The following PDCL2 variants were observed in gnomAD, a reference collection of about 807,000 sequenced individuals.
PDCL2 encodes phosducin like 2.
Under a neutral mutation model 30.3 loss-of-function variants are expected in PDCL2, and 23 were observed. The ratio of observed to expected loss-of-function variants is 0.76; its 90% CI spans 0.55 to 1.08. The LOEUF (loss-of-function observed/expected upper bound fraction) is 1.08, where lower values mean the gene tolerates loss of function less well. PDCL2 is among the 50% of genes least tolerant of loss of function. PDCL2 has a pLI of 0.00. For missense variants in PDCL2, 243 were observed against 282.3 expected, an observed-to-expected ratio of 0.86 and a Z score of 1.00; for synonymous variants, 68 against 86.2, an observed-to-expected ratio of 0.79 and a Z score of 1.17.
chr4:55,556,841 T>TG (rs934483553), intron 5 of PDCL2, 130 bp from the exon 6 acceptor site: 38 of 869,536 alleles, frequency 4.4e-5, no homozygotes, highest in Admixed American at 1.5e-4. Context: ...ATAGGTTTTT[T>TG]TTTCTTTTTT....
chr4:55,564,215 T>C (rs1202547868), intron 4 of PDCL2, among the ~76,000 whole-genome samples: 1 of 152,230 alleles, frequency 6.6e-6, no homozygotes, highest in East Asian at 1.9e-4. Flanking sequence ...CAGTCAGTGG[T>C]ACAACAGATA....
intron 3 of PDCL2, among the ~76,000 whole-genome samples, chr4:55,573,124 T>C (rs147720194): frequency 1.9e-4 from 29 of 152,322 alleles, no homozygotes; most frequent in Non-Finnish European, 4.1e-4. Flanking sequence ...CTAAATCATA[T>C]TCTTTACCTT....
chr4:55,561,554 G>C (rs182055758), intron 5 of PDCL2, among the ~76,000 whole-genome samples: 1 of 151,962 alleles, frequency 6.6e-6, no homozygotes, highest in African/African-American at 2.4e-5. Flanking sequence ...ACAGAGCAAG[G>C]TTCTGTCTCA....
chr4:55,576,530 T>G (rs530260911), intron 3 of PDCL2, among the ~76,000 whole-genome samples: 2 of 152,214 alleles, frequency 1.3e-5, no homozygotes, highest in South Asian at 4.1e-4. Context: ...AGGAGAAGGA[T>G]GGAGATGTGT....
intron 3 of PDCL2, among the ~76,000 whole-genome samples, chr4:55,576,937 G>A (rs916300646): frequency 6.7e-5 from 10 of 148,758 alleles, no homozygotes; most frequent in African/African-American, 2.0e-4. Context: ...TTGCTCTGTC[G>A]CCCAGGCTGG....
intron 3 of PDCL2, among the ~76,000 whole-genome samples, chr4:55,574,846 T>C (rs749894115): frequency 6.6e-6 from 1 of 152,220 alleles, no homozygotes; most frequent in African/African-American, 2.4e-5. Context: ...ATTTAGATTG[T>C]TTCCATTTTG....
chr4:55,557,859 A>T (rs1320759524), intron 5 of PDCL2, among the ~76,000 whole-genome samples: 2 of 151,446 alleles, frequency 1.3e-5, no homozygotes, highest in Non-Finnish European at 2.9e-5. Flanking sequence ...TAATCGCAGC[A>T]CTTCGAAAGG....
intron 4 of PDCL2, among the ~76,000 whole-genome samples, chr4:55,564,521 A>G (rs572150148): frequency 2.8e-4 from 42 of 152,332 alleles, no homozygotes; most frequent in African/African-American, 1.0e-3. Context: ...GGGTATAAGA[A>G]TAATATAAAA....
rs79754487 is a variant in PDCL2, at chr4:55,562,927, A to C, written c.363-315T>G. Among the ~76,000 whole-genome samples the C allele has an allele frequency of 9.9e-3, 1,488 of 150,034 alleles. 30 individuals are homozygous for C. The highest frequency in any genetic ancestry group is 0.033 in the African/African-American group (1,354 of 40,574). On this transcript the variant is annotated intron_variant, in intron 4 of 5. Coordinates refer to ENST00000295645, the MANE Select transcript of PDCL2 (RefSeq NM_152401.3). ...CCAGTTTGTAGAAAAAAAAAAAAAA[A>C]ACAGGACACTTCTAGGAAATCCTTT...
intron 5 of PDCL2, among the ~76,000 whole-genome samples, chr4:55,561,201 A>G (rs1732123965): frequency 6.6e-6 from 1 of 152,170 alleles, no homozygotes; most frequent in African/African-American, 2.4e-5. Flanking sequence ...ATTCTGAAAC[A>G]AAGTATCAGA....
chr4:55,563,951 A>C (rs371836385), intron 4 of PDCL2, among the ~76,000 whole-genome samples: 35 of 152,332 alleles, frequency 2.3e-4, no homozygotes, highest in African/African-American at 8.2e-4. Context: ...AAATCAGACA[A>C]GGGAAGGCCC....
intron 3 of PDCL2, among the ~76,000 whole-genome samples, chr4:55,578,787 A>G (rs11133400): frequency 0.34 from 51,088 of 152,012 alleles, 9,263 homozygotes; most frequent in East Asian, 0.58. Context: ...GTATCTGCCT[A>G]TAAACTTACT....
intron 1 of PDCL2, among the ~76,000 whole-genome samples, chr4:55,587,216 T>TAAAAAAAAAAAAAA (rs869107656): frequency 3.5e-4 from 22 of 62,834 alleles, no homozygotes; most frequent in African/African-American, 1.3e-3. Context: ...GACAGAATAG[T>TAAAAAAAAAAAAAA]AAAAAAAAAA....
chr4:55,569,609 ATAG>A (rs1732367266), intron 4 of PDCL2, 106 bp downstream of exon 4: 1 of 634,408 alleles, frequency 1.6e-6, no homozygotes, highest in South Asian at 4.5e-5. Context: ...TGTGCAATAT[ATAG>A]TTGCTTTTTC....
intron 3 of PDCL2, among the ~76,000 whole-genome samples, chr4:55,579,361 C>T (rs1376310837): frequency 1.3e-5 from 2 of 152,158 alleles, no homozygotes; most frequent in African/African-American, 4.8e-5. Flanking sequence ...TGGAGTTTCA[C>T]TCTTGTTGCC....
intron 3 of PDCL2, among the ~76,000 whole-genome samples, chr4:55,572,111 G>A (rs148411406): frequency 6.6e-6 from 1 of 151,960 alleles, no homozygotes; most frequent in Non-Finnish European, 1.5e-5. Flanking sequence ...CAGTGGAATT[G>A]GGCAGGGGAG....
chr4:55,569,600 G>T, intron 4 of PDCL2, 118 bp downstream of exon 4: 2 of 548,934 alleles, frequency 3.6e-6, no homozygotes, highest in Non-Finnish European at 5.9e-6. Flanking sequence ...ATGTATATGT[G>T]TGCAATATAT....
chr4:55,569,942 G>T, intron 3 of PDCL2, 81 bp from the exon 4 acceptor site: 1 of 1,061,750 alleles, frequency 9.4e-7, no homozygotes, highest in Non-Finnish European at 1.3e-6. Context: ...ACAATTTAGG[G>T]CAATGAATAT....
chr4:55,577,048 C>A (rs1364653337), intron 3 of PDCL2, among the ~76,000 whole-genome samples: 4 of 152,090 alleles, frequency 2.6e-5, no homozygotes, highest in Non-Finnish European at 1.5e-5. Context: ...CAGGTACAGG[C>A]CACTACACCC....
Sources: gnomAD v4.1 joint callset for allele counts (sites outside exome capture counted in the v4.1 genomes callset) on GRCh38, gnomAD v4.1.1 for gene constraint, MANE v1.5 for transcripts, NCBI Gene and HGNC (gene_info 2026-07-23, HGNC 2026-07-21) for gene names.